The following CLEC16A variants were observed in gnomAD, a reference collection of about 807,000 sequenced individuals.
The protein encoded by CLEC16A is C-type lectin domain containing 16A.
In CLEC16A, 51 loss-of-function variants were observed where a neutral mutation model predicts 109.5. The ratio of observed to expected loss-of-function variants is 0.47; its 90% CI spans 0.37 to 0.59. The LOEUF (loss-of-function observed/expected upper bound fraction) is 0.59. Among genes scored for constraint, CLEC16A ranks in the 20% least tolerant of loss-of-function variants. CLEC16A has a pLI of 0.00. For missense variants in CLEC16A, 1,339 were observed against 1,394.0 expected (o/e 0.96, Z 0.63); for synonymous variants, 673 against 564.2 (o/e 1.19, Z -2.73).
At position 10,962,657 on chromosome 16, in the gene CLEC16A, TTC is replaced by T. The variant is rs1276202256; in HGVS notation, c.343+71_343+72del. The T allele has an allele frequency of 1.3e-5, 21 of 1,558,558 alleles. 2 individuals are homozygous for T. The Admixed American group carries it at 3.5e-4, about 26-fold the overall frequency. ...TAGCAGGGTGAAGTTGGGCGTGGTT[TTC>T]TGTGTCTGCGCTTACTATTCGTCGG... On this transcript the variant is annotated intron_variant, in intron 3 of 23. Transcript: ENST00000409790.
Position 10,986,012 on chromosome 16 carries a change from A to ATTTTTTTTTTTTT in CLEC16A, c.1071+3045_1071+3057dup, listed in dbSNP as rs59547466. Reference sequence around the variant, plus strand: ...TGAGACACTGCACCTGGCCTGCAGAATTTTTTTTTTTTTTTTTTTTTTTTT... The same window carrying ATTTTTTTTTTTTT: ...TGAGACACTGCACCTGGCCTGCAGAATTTTTTTTTTTTTTTTTTTTTTTTTTTTTTTTTTTTTT... On this transcript the variant is annotated intron_variant, in intron 10 of 23. Transcript: ENST00000409790. Among the ~76,000 whole-genome samples the ATTTTTTTTTTTTT allele has an allele frequency of 5.1e-4, 22 of 43,454 alleles. 7 individuals are homozygous for ATTTTTTTTTTTTT. The highest frequency in any genetic ancestry group is 1.5e-3 in the African/African-American group (13 of 8,822). The allele number at this position is 43,454 out of a possible 152,430, so 28.5% of individuals were successfully genotyped here. A position where few individuals can be genotyped will look rare whatever the true frequency, so the allele number is the denominator to read the frequency against.
At chr16:11,073,281 A>G (rs1341772389) in intron 19 of CLEC16A, among the ~76,000 whole-genome samples, 1 of 152,078 alleles carries the variant, frequency 6.6e-6, no homozygotes, top group Non-Finnish European at 1.5e-5. Flanking sequence ...CTCCACAGGT[A>G]GACATTTAAT....
At chr16:10,962,417 G>A (rs771144689) in intron 2 of CLEC16A, 38 bp from the exon 3 acceptor site, 2 of 1,613,100 alleles carry the variant, frequency 1.2e-6, no homozygotes, top group Non-Finnish European at 1.7e-6. Flanking sequence ...TTCCACATGT[G>A]GAAGCAAGCC....
chr16:11,108,849 G>T (rs1055688092), intron 19 of CLEC16A, among the ~76,000 whole-genome samples: 3 of 152,106 alleles, frequency 2.0e-5, no homozygotes, highest in Non-Finnish European at 4.4e-5. Flanking sequence ...GGTGGCTCAT[G>T]CCTGTAATCC....
chr16:11,169,446 C>A (rs958877792), intron 23 of CLEC16A, among the ~76,000 whole-genome samples: 1 of 152,120 alleles, frequency 6.6e-6, no homozygotes, highest in Non-Finnish European at 1.5e-5. Context: ...ACCACCATGC[C>A]CAACTAATTT....
chr16:11,084,674 G>A (rs779533686), intron 19 of CLEC16A, among the ~76,000 whole-genome samples: 43 of 152,258 alleles, frequency 2.8e-4, no homozygotes, highest in South Asian at 1.2e-3. Flanking sequence ...TGAACTCGCC[G>A]GCTATATGAG....
At chr16:11,162,881 C>T (rs974530480) in intron 22 of CLEC16A, among the ~76,000 whole-genome samples, 1 of 152,196 alleles carries the variant, frequency 6.6e-6, no homozygotes, top group African/African-American at 2.4e-5. Context: ...GCATGGGATG[C>T]TGCAGGTGTG....
At chr16:11,032,899 C>CCTA (rs2046825723) in intron 13 of CLEC16A, among the ~76,000 whole-genome samples, 1 of 152,100 alleles carries the variant, frequency 6.6e-6, no homozygotes, top group Non-Finnish European at 1.5e-5. Flanking sequence ...ATGGGAAACC[C>CCTA]CTACCGAATT....
In CLEC16A at chr16:11,174,793, G is replaced by T. The variant is rs1358062065; in HGVS notation, c.2807-3542G>T. Reference sequence around the variant, plus strand: ...AAATTCAGTCCTGTTTTGACCGGAAGCCAAGAGCCATTTCCCTCATAGACA... The same window carrying T: ...AAATTCAGTCCTGTTTTGACCGGAATCCAAGAGCCATTTCCCTCATAGACA... On this transcript the variant is annotated intron_variant, in intron 23 of 23. Coordinates refer to ENST00000409790, the MANE Select transcript of CLEC16A (RefSeq NM_015226.3). This position sits in a 1 kb window ranked among gnomAD's most constrained non-coding sequence, Gnocchi z 4.7. 1.3e-5 allele frequency among the ~76,000 whole-genome samples: 2 copies of T among 152,222 alleles called. No individual in the cohort carries two copies. Among genetic ancestry groups the T allele is most frequent in the Non-Finnish European group, 2.9e-5 (2 of 68,042 alleles).
At chr16:10,950,103 T>C (rs971921990) in intron 1 of CLEC16A, among the ~76,000 whole-genome samples, 9 of 152,194 alleles carry the variant, frequency 5.9e-5, no homozygotes, top group Non-Finnish European at 8.8e-5. Flanking sequence ...GTGGGTCGGC[T>C]GTTAGCTCCT....
intron 23 of CLEC16A, among the ~76,000 whole-genome samples, chr16:11,167,007 C>T (rs1235747137): frequency 6.6e-6 from 1 of 152,170 alleles, no homozygotes; most frequent in Non-Finnish European, 1.5e-5. Flanking sequence ...AGTAGGCACG[C>T]ACTTTGCCAC....
chr16:11,027,400 A>C, intron 13 of CLEC16A: 1 of 1,429,304 alleles, frequency 7.0e-7, no homozygotes. Context: ...GTCACCCCCC[A>C]GAATCTACAA....
chr16:11,062,688 T>C (rs1049351434), intron 19 of CLEC16A, among the ~76,000 whole-genome samples: 1 of 152,146 alleles, frequency 6.6e-6, no homozygotes, highest in Non-Finnish European at 1.5e-5. Context: ...TTTCTGGCCT[T>C]ATTTATGTTT....
chr16:11,002,641 A>C (rs1263183608), intron 10 of CLEC16A, among the ~76,000 whole-genome samples: 1 of 150,308 alleles, frequency 6.7e-6, no homozygotes. Context: ...CCCATCATCC[A>C]CCCCCTCCAA....
At chr16:11,122,896 C>T (rs900308583) in intron 20 of CLEC16A, among the ~76,000 whole-genome samples, 48 of 73,816 alleles carry the variant, frequency 6.5e-4, no homozygotes, top group Admixed American at 8.0e-4. Flanking sequence ...CTATCCCTTT[C>T]TTTTTTTTTT....
intron 19 of CLEC16A, among the ~76,000 whole-genome samples, chr16:11,091,036 G>A (rs539035648): frequency 1.3e-5 from 2 of 152,164 alleles, no homozygotes; most frequent in East Asian, 3.9e-4. Flanking sequence ...CTGGGCTCAA[G>A]CACCCCGCCC....
chr16:10,954,899 G>A lies in CLEC16A; in HGVS notation c.81-2883G>A, dbSNP rs752960685. 1.3e-5 allele frequency among the ~76,000 whole-genome samples: 2 copies of A among 152,056 alleles called. No homozygotes were observed. The highest frequency in any genetic ancestry group is 2.4e-5 in the African/African-American group (1 of 41,386). ...ATAATGTAGTAATAATGTGAATAAC[G>A]GCCCCCACCACAATGACCATAATCT... On this transcript the variant is annotated intron_variant, in intron 1 of 23. Transcript: ENST00000409790. This position sits in a 1 kb window ranked among gnomAD's most constrained non-coding sequence, Gnocchi z 4.2.
At chr16:11,073,424 T>C (rs2049178661) in intron 19 of CLEC16A, among the ~76,000 whole-genome samples, 1 of 151,888 alleles carries the variant, frequency 6.6e-6, no homozygotes, top group Non-Finnish European at 1.5e-5. Flanking sequence ...TCTCCACACC[T>C]CTCCCCTGCC....
intron 19 of CLEC16A, among the ~76,000 whole-genome samples, chr16:11,118,496 G>C (rs1321907924): frequency 6.6e-6 from 1 of 152,196 alleles, no homozygotes; most frequent in African/African-American, 2.4e-5. Flanking sequence ...ACCCTGAGTT[G>C]AGGGCTTGGT....
Sources: allele counts gnomAD v4.1 joint callset (sites outside exome capture counted in the v4.1 genomes callset), GRCh38; gene constraint gnomAD v4.1.1; non-coding constraint Gnocchi (gnomAD v3.1); transcripts MANE v1.5; gene names NCBI Gene and HGNC (gene_info 2026-07-23, HGNC 2026-07-21).